Variants in TRHDE observed in about 807,000 individuals in gnomAD.
The protein encoded by TRHDE is thyrotropin releasing hormone degrading enzyme.
A neutral mutation model predicts 125.7 loss-of-function variants in TRHDE; 72 were observed. That is an observed-to-expected ratio of 0.57 (90% confidence interval 0.47 to 0.70). TRHDE has a LOEUF of 0.70. Among genes scored for constraint, TRHDE ranks in the 30% least tolerant of loss-of-function variants. The pLI, the probability that TRHDE is intolerant of heterozygous loss-of-function variation, is 0.00. For missense variants in TRHDE, 1,110 were observed against 1,327.1 expected, an observed-to-expected ratio of 0.84 and a Z score of 2.54; for synonymous variants, 509 against 509.1, an observed-to-expected ratio of 1.00 and a Z score of 0.00.
intron 9 of TRHDE, among the ~76,000 whole-genome samples, chr12:72,568,167 T>C (rs1870539434): frequency 6.6e-6 from 1 of 152,106 alleles, no homozygotes; most frequent in Non-Finnish European, 1.5e-5. Context: ...AATATTAAAA[T>C]GTAAATGCAT....
chr12:72,567,448 A>G (rs10506656), intron 9 of TRHDE, among the ~76,000 whole-genome samples: 40,060 of 151,710 alleles, frequency 0.26, 7,913 homozygotes, highest in East Asian at 0.53. Context: ...ACTCTTTACT[A>G]TTACTGAATT....
chr12:72,655,260 A>T (rs955439088), intron 17 of TRHDE, among the ~76,000 whole-genome samples: 1 of 152,054 alleles, frequency 6.6e-6, no homozygotes. Context: ...TTTTGTAGAG[A>T]GAAGTTTTCC....
chr12:72,227,099 A>T (rs1399298290), intron 2 of TRHDE, among the ~76,000 whole-genome samples: 2 of 152,242 alleles, frequency 1.3e-5, no homozygotes, highest in Non-Finnish European at 2.9e-5. Context: ...AAAATATTTT[A>T]GAAATAAATA....
chr12:72,626,107 G>T (rs1212036988), intron 15 of TRHDE, among the ~76,000 whole-genome samples: 1 of 151,888 alleles, frequency 6.6e-6, no homozygotes, highest in Non-Finnish European at 1.5e-5. Context: ...CAAGTTCCCA[G>T]GTAATGTTGA....
At chr12:72,205,423 T>C (rs1181148899) in intron 2 of TRHDE, among the ~76,000 whole-genome samples, 1 of 152,144 alleles carries the variant, frequency 6.6e-6, no homozygotes, top group African/African-American at 2.4e-5. Flanking sequence ...ATAATATTGT[T>C]AACTATATGT....
chr12:72,204,019 T>A (rs2139356813), intron 2 of TRHDE, among the ~76,000 whole-genome samples: 1 of 152,344 alleles, frequency 6.6e-6, no homozygotes, highest in South Asian at 2.1e-4. Context: ...GTTTGGCACC[T>A]GATTATTTCA....
rs190434482 is a variant in TRHDE, at chr12:72,418,216, C to T, written c.1315+40095C>T. On this transcript the variant is annotated intron_variant, in intron 3 of 18. Transcript: ENST00000261180. ...CAGGCATGAATCAAAGTTTTCATTA[C>T]TTCAGTGTTTCTCTTTTTGTGTTCA... 5.3e-3 allele frequency among the ~76,000 whole-genome samples: 810 copies of T among 152,068 alleles called. 8 individuals carry two copies. Among genetic ancestry groups the T allele is most frequent in the African/African-American group, 0.018 (760 of 41,538 alleles).
intron 2 of TRHDE, among the ~76,000 whole-genome samples, chr12:72,212,575 T>C (rs1877805310): frequency 6.6e-6 from 1 of 152,106 alleles, no homozygotes; most frequent in Non-Finnish European, 1.5e-5. Context: ...CAAGAAGTTA[T>C]ACAAATGATT....
In TRHDE at chr12:72,621,210, T is replaced by C. The variant is rs1015928692; in HGVS notation, c.2567+5T>C. On this transcript the variant is annotated splice_donor_5th_base_variant and intron_variant, in intron 14 of 18. Transcript: ENST00000261180. Reference sequence around the variant, plus strand: ...TCAAGCATCCTACCAACATGAGTACTGTTTTATTTTCTTATCCTCTTCTTT... The same window carrying C: ...TCAAGCATCCTACCAACATGAGTACCGTTTTATTTTCTTATCCTCTTCTTT... 7.6e-6 allele frequency: 12 copies of C among 1,584,974 alleles called. No individual in the cohort carries two copies. The highest frequency in any genetic ancestry group is 2.7e-5 in the African/African-American group (2 of 74,032).
intron 2 of TRHDE, among the ~76,000 whole-genome samples, chr12:72,333,842 T>C (rs764471833): frequency 2.0e-5 from 3 of 152,228 alleles, no homozygotes; most frequent in Non-Finnish European, 2.9e-5. Flanking sequence ...GAAATCCTAT[T>C]ATTCAAGAAA....
intron 2 of TRHDE, among the ~76,000 whole-genome samples, chr12:72,367,892 A>T (rs1871403967): frequency 6.6e-6 from 1 of 152,200 alleles, no homozygotes; most frequent in Non-Finnish European, 1.5e-5. Context: ...TTGCAGCATA[A>T]AATTTTCTCA....
chr12:72,234,814 C>G (rs1267267307), intron 2 of TRHDE, among the ~76,000 whole-genome samples: 2 of 152,180 alleles, frequency 1.3e-5, no homozygotes, highest in Non-Finnish European at 2.9e-5. Context: ...TTAAAATCCA[C>G]TTCTTAATAA....
At chr12:72,337,567 T>A (rs1869884773) in intron 2 of TRHDE, among the ~76,000 whole-genome samples, 1 of 152,142 alleles carries the variant, frequency 6.6e-6, no homozygotes, top group Admixed American at 6.6e-5. Flanking sequence ...TCCTTGAAGT[T>A]CATTCTCTAG....
intron 3 of TRHDE, among the ~76,000 whole-genome samples, chr12:72,399,155 C>T (rs886172466): frequency 4.6e-5 from 7 of 152,212 alleles, no homozygotes; most frequent in African/African-American, 1.4e-4. Context: ...ATAGTTTCAT[C>T]CTGAAGCCAT....
chr12:72,192,685 T>A (rs546629202), intron 2 of TRHDE, among the ~76,000 whole-genome samples: 27 of 152,170 alleles, frequency 1.8e-4, no homozygotes, highest in East Asian at 3.9e-4. Context: ...AGTTTTTTTT[T>A]AAAAATCTCC....
chr12:72,302,234 ATGTGTGTGTGTATGTG>A (rs1221644692), intron 2 of TRHDE, among the ~76,000 whole-genome samples: 1 of 84,156 alleles, frequency 1.2e-5, no homozygotes, highest in Non-Finnish European at 2.5e-5. Context: ...ATTATTATCT[ATGTGTGTGTGTATGTG>A]TGTGTGTGTG....
chr12:72,147,818 G>A (rs1876264332), intron 2 of TRHDE: 1 of 152,196 alleles, frequency 6.6e-6, no homozygotes, highest in South Asian at 2.1e-4. Flanking sequence ...CTCCTTTAGA[G>A]TGTGAACTTG....
chr12:72,163,217 TA>T (rs1255167088), intron 2 of TRHDE: 1 of 152,226 alleles, frequency 6.6e-6, no homozygotes, highest in Non-Finnish European at 1.5e-5. Context: ...AGGATTTGAA[TA>T]TATATGCATA....
At chr12:72,238,409 A>G (rs1300366395) in intron 2 of TRHDE, among the ~76,000 whole-genome samples, 1 of 141,716 alleles carries the variant, frequency 7.1e-6, no homozygotes, top group Non-Finnish European at 1.5e-5. Flanking sequence ...TTGATAAATT[A>G]TACTTTAAGT....
Sources: gnomAD v4.1 joint callset for allele counts (sites outside exome capture counted in the v4.1 genomes callset) on GRCh38, gnomAD v4.1.1 for gene constraint, MANE v1.5 for transcripts, NCBI Gene and HGNC (gene_info 2026-07-23, HGNC 2026-07-21) for gene names.